The following DKK2 variants were observed in gnomAD, a reference collection of about 807,000 sequenced individuals.
DKK2 encodes the protein dickkopf Wnt signaling pathway inhibitor 2.
DKK2 carries 11 observed loss-of-function variants against 28.1 expected under a neutral mutation model. The ratio of observed to expected loss-of-function variants is 0.39; its 90% CI spans 0.25 to 0.65. The LOEUF (loss-of-function observed/expected upper bound fraction) is 0.65, where lower values mean the gene tolerates loss of function less well. DKK2 is among the 30% of genes least tolerant of loss of function. DKK2 has a pLI of 0.47. For missense variants in DKK2, 326 were observed against 335.5 expected (o/e 0.97, Z 0.22); for synonymous variants, 135 against 126.5 (o/e 1.07, Z -0.45).
In DKK2 at chr4:106,934,615, A is replaced by G. The variant is rs139126679; in HGVS notation, c.223-8666T>C. Among the ~76,000 whole-genome samples the G allele has an allele frequency of 8.0e-4, 122 of 152,260 alleles. 1 individual carries two copies. Among genetic ancestry groups the G allele is most frequent in the African/African-American group, 2.7e-3 (112 of 41,558 alleles). On this transcript the variant is annotated intron_variant, in intron 1 of 3. Coordinates refer to ENST00000285311, the MANE Select transcript of DKK2 (RefSeq NM_014421.3). ...TTTATTGCCTTGGTTAATTTCATTTAATATAGGAATTTCCAAACATAACAC... is the reference window on the plus strand; with the variant it reads ...TTTATTGCCTTGGTTAATTTCATTTGATATAGGAATTTCCAAACATAACAC...
Position 107,031,740 on chromosome 4 carries a change from C to T in DKK2, c.222+3630G>A, listed in dbSNP as rs181581261. Among the ~76,000 whole-genome samples, 865 of 152,046 alleles carry T rather than the reference C, an allele frequency of 5.7e-3. 6 individuals carry two copies. Among genetic ancestry groups the T allele is most frequent in the Non-Finnish European group, 7.0e-3 (472 of 67,852 alleles). On this transcript the variant is annotated intron_variant, in intron 1 of 3. Transcript: ENST00000285311. ...ATCTGCCCGTCTCAGAAAGACAAAA[C>T]GAGAAGAATAAAATAAGCAATTACA...
chr4:106,960,304 G>A (rs901717453), intron 1 of DKK2, among the ~76,000 whole-genome samples: 8 of 152,022 alleles, frequency 5.3e-5, no homozygotes, highest in African/African-American at 1.9e-4. Flanking sequence ...ACAATTCTAA[G>A]TGAGGTAACT....
intron 1 of DKK2, among the ~76,000 whole-genome samples, chr4:107,006,152 C>T (rs1723435248): frequency 6.6e-6 from 1 of 152,048 alleles, no homozygotes; most frequent in Admixed American, 6.5e-5. Flanking sequence ...AGCAAATGAG[C>T]TAGAAGGTAA....
At chr4:107,021,560 T>C (rs997597271) in intron 1 of DKK2, among the ~76,000 whole-genome samples, 2 of 152,062 alleles carry the variant, frequency 1.3e-5, no homozygotes, top group Non-Finnish European at 2.9e-5. Flanking sequence ...AGTAAGTTCT[T>C]GTCCACTTTA....
At chr4:107,033,420 A>G (rs1422361795) in intron 1 of DKK2, among the ~76,000 whole-genome samples, 3 of 152,240 alleles carry the variant, frequency 2.0e-5, no homozygotes, top group African/African-American at 7.2e-5. Context: ...TAGCACCACA[A>G]AAACATATTT....
rs143864745 is a variant in DKK2, at chr4:106,978,142, C to T, written c.223-52193G>A. ...ATTCTAGAGGGGCAATCTCCAGGTGCCAGTCAGAGCTCTCCTGTATGAGGT... is the reference window on the plus strand; with the variant it reads ...ATTCTAGAGGGGCAATCTCCAGGTGTCAGTCAGAGCTCTCCTGTATGAGGT... On this transcript the variant is annotated intron_variant, in intron 1 of 3. Transcript: ENST00000285311. Among the ~76,000 whole-genome samples, 659 of 152,234 alleles carry T rather than the reference C, an allele frequency of 4.3e-3. 3 individuals are homozygous for T. Among genetic ancestry groups the T allele is most frequent in the Non-Finnish European group, 7.6e-3 (515 of 68,020 alleles).
chr4:106,998,138 GA>G (rs1265683452), intron 1 of DKK2, among the ~76,000 whole-genome samples: 6 of 152,164 alleles, frequency 3.9e-5, no homozygotes, highest in African/African-American at 1.4e-4. Flanking sequence ...TGGAGGGCTT[GA>G]AATATCCAAG....
At chr4:107,014,820 C>A (rs999319748) in intron 1 of DKK2, among the ~76,000 whole-genome samples, 2 of 150,934 alleles carry the variant, frequency 1.3e-5, no homozygotes, top group African/African-American at 2.4e-5. Context: ...AGGTTCTACA[C>A]ACACACACAC....
At chr4:107,020,930 T>G (rs1723682572) in intron 1 of DKK2, among the ~76,000 whole-genome samples, 1 of 152,060 alleles carries the variant, frequency 6.6e-6, no homozygotes, top group South Asian at 2.1e-4. Context: ...CTGACCTAGG[T>G]TCATTAACTG....
intron 1 of DKK2, among the ~76,000 whole-genome samples, chr4:106,993,492 A>G (rs530365416): frequency 6.6e-6 from 1 of 152,200 alleles, no homozygotes; most frequent in Non-Finnish European, 1.5e-5. Flanking sequence ...ACAGGTATTT[A>G]GTAAATACGT....
intron 1 of DKK2, among the ~76,000 whole-genome samples, chr4:106,988,727 A>G (rs1723161535): frequency 6.6e-6 from 1 of 152,240 alleles, no homozygotes; most frequent in Non-Finnish European, 1.5e-5. Context: ...TTTAAGTCAC[A>G]GTCAGATGCA....
intron 1 of DKK2, among the ~76,000 whole-genome samples, chr4:107,002,148 C>G (rs962656117): frequency 1.3e-5 from 2 of 152,124 alleles, no homozygotes; most frequent in East Asian, 3.9e-4. Context: ...ATTTCAAAAC[C>G]ATCTGTTAGG....
chr4:106,963,320 T>C (rs1722720841), intron 1 of DKK2, among the ~76,000 whole-genome samples: 1 of 149,876 alleles, frequency 6.7e-6, no homozygotes, highest in African/African-American at 2.5e-5. Context: ...ACCATTTCAC[T>C]CCAGCCTGGG....
At chr4:107,003,074 C>T (rs1723385860) in intron 1 of DKK2, among the ~76,000 whole-genome samples, 1 of 152,162 alleles carries the variant, frequency 6.6e-6, no homozygotes, top group Admixed American at 6.5e-5. Flanking sequence ...CCTTGTTCCT[C>T]AAAAGTGGTG....
At chr4:107,006,303 G>T (rs1202072229) in intron 1 of DKK2, among the ~76,000 whole-genome samples, 1 of 152,072 alleles carries the variant, frequency 6.6e-6, no homozygotes, top group Non-Finnish European at 1.5e-5. Flanking sequence ...TGTGGGCAGG[G>T]TATTATAGAG....
chr4:106,993,221 G>A (rs1297034061), intron 1 of DKK2, among the ~76,000 whole-genome samples: 2 of 152,158 alleles, frequency 1.3e-5, no homozygotes, highest in African/African-American at 4.8e-5. Context: ...GACAAATACT[G>A]AAAGAAGCTA....
At chr4:106,953,973 A>G (rs1010423725) in intron 1 of DKK2, among the ~76,000 whole-genome samples, 3 of 152,234 alleles carry the variant, frequency 2.0e-5, no homozygotes, top group African/African-American at 7.2e-5. Context: ...CATCTCTTGC[A>G]AATTACTGGA....
intron 1 of DKK2, among the ~76,000 whole-genome samples, chr4:107,034,083 AACTAGCAAAACTGC>A (rs1356624076): frequency 1.3e-5 from 2 of 152,082 alleles, no homozygotes; most frequent in Non-Finnish European, 2.9e-5. Context: ...GGAACTGCAA[AACTAGCAAAACTGC>A]AAAATTGTCC....
In DKK2 at chr4:106,991,041, G is replaced by C. The variant is rs551384591; in HGVS notation, c.222+44329C>G. ...AAAATTTTTGTTCTGTGAGTATAGA[G>C]CTTGTGCAAAGGAAAAATGTCCTTC... On this transcript the variant is annotated intron_variant, in intron 1 of 3. Transcript: ENST00000285311. 4.8e-3 allele frequency among the ~76,000 whole-genome samples: 736 copies of C among 152,248 alleles called. 6 individuals are homozygous for C. The highest frequency in any genetic ancestry group is 0.017 in the African/African-American group (710 of 41,548).
Sources: gnomAD v4.1 joint callset for allele counts (sites outside exome capture counted in the v4.1 genomes callset) on GRCh38, gnomAD v4.1.1 for gene constraint, MANE v1.5 for transcripts, NCBI Gene and HGNC (gene_info 2026-07-23, HGNC 2026-07-21) for gene names.